Variants in GET4 observed in about 807,000 individuals in gnomAD.
GET4 encodes Golgi to ER traffic protein 4 homolog.
Under a neutral mutation model 40.0 loss-of-function variants are expected in GET4, and 20 were observed. The ratio of observed to expected loss-of-function variants is 0.50; its 90% CI spans 0.35 to 0.73. The LOEUF is 0.73. Among genes scored for constraint, GET4 ranks in the 30% least tolerant of loss-of-function variants. The probability of loss-of-function intolerance (pLI) is 0.01; values close to 1 mark genes in which losing one functional copy is unlikely to be tolerated. For missense variants in GET4, 557 were observed against 454.0 expected (o/e 1.23, Z -2.06); for synonymous variants, 280 against 194.6 (o/e 1.44, Z -3.65).
chr7:886,897 C>T (rs1230562377), intron 3 of GET4: 2 of 563,076 alleles, frequency 3.6e-6, no homozygotes, highest in Non-Finnish European at 3.2e-6. Context: ...GGGGCCCTGT[C>T]CTCTCCACTG....
At chr7:892,915 GGTGT>G (rs1046459904) in intron 6 of GET4, among the ~76,000 whole-genome samples, 5 of 151,746 alleles carry the variant, frequency 3.3e-5, no homozygotes, top group Non-Finnish European at 7.4e-5. Context: ...GGGGTGTGCA[GGTGT>G]GTGTACTGGG....
chr7:888,577 G>A (rs889912816), intron 4 of GET4, among the ~76,000 whole-genome samples: 2 of 152,248 alleles, frequency 1.3e-5, no homozygotes, highest in South Asian at 2.1e-4. Flanking sequence ...GCTGTGTGCC[G>A]AGTGGCGGGG....
intron 5 of GET4, 38 bp downstream of exon 5, chr7:891,104 G>T: frequency 2.6e-6 from 4 of 1,533,778 alleles, no homozygotes; most frequent in Non-Finnish European, 3.5e-6. Flanking sequence ...GGCTTCCATT[G>T]CTGCCTTGGC....
Position 887,499 on chromosome 7 carries a change from T to C in GET4, c.446T>C (p.Leu149Pro). The change falls in exon 4 of 9, where the codon CTG becomes CCG. Residue 149 changes from leucine to proline, a missense_variant. Physicochemically the swap from Leu to Pro is moderately conservative, Grantham distance 98. Coordinates refer to ENST00000265857, the MANE Select transcript of GET4 (RefSeq NM_015949.3). ...KLGHPRLHQL[L>P]ALTLWKEQNY... ...GGCCACCCCCGGCTGCACCAGCTGCTGGCCCTCACCCTGTGGAAAGGTAGG... is the reference window on the plus strand; with the variant it reads ...GGCCACCCCCGGCTGCACCAGCTGCCGGCCCTCACCCTGTGGAAAGGTAGG... The C allele has an allele frequency of 6.4e-7, 1 of 1,563,582 alleles. No individual in the cohort carries two copies. Among genetic ancestry groups the C allele is most frequent in the Non-Finnish European group, 8.7e-7 (1 of 1,155,340 alleles).
At chr7:891,323 C>G (rs1292021633) in intron 5 of GET4, among the ~76,000 whole-genome samples, 2 of 152,266 alleles carry the variant, frequency 1.3e-5, no homozygotes, top group Non-Finnish European at 2.9e-5. Context: ...CTCTCGCCCA[C>G]TGCCGGGAGG....
chr7:895,488 C>G lies in GET4; in HGVS notation c.*66C>G. ...TGGAGGGACGTTTCAGAGGCGAGTC[C>G]TGGGTGGCTCCTCGCCTTGGGGGCT... is the stretch of plus-strand genomic sequence containing the variant. On this transcript the variant is annotated 3_prime_UTR_variant, in exon 9 of 9. Transcript: ENST00000265857. 1 of 817,918 alleles carries G rather than the reference C, an allele frequency of 1.2e-6. No homozygotes were observed. Among genetic ancestry groups the G allele is most frequent in the South Asian group, 1.6e-5 (1 of 64,190 alleles). The allele number at this position is 817,918 out of a possible 1,614,324, so 50.7% of individuals were successfully genotyped here.
At chr7:894,226 A>G (rs1844415005) in intron 8 of GET4, among the ~76,000 whole-genome samples, 1 of 151,946 alleles carries the variant, frequency 6.6e-6, no homozygotes, top group Admixed American at 6.5e-5. Context: ...GGCAGGGATC[A>G]CATCACGTGG....
At chr7:883,556 A>G in intron 1 of GET4, 1 of 985,296 alleles carries the variant, frequency 1.0e-6, no homozygotes, top group Non-Finnish European at 1.2e-6. Context: ...TTTGGCCGGC[A>G]GAGAGCACCA....
In GET4 at chr7:895,520, CCT is replaced by C; in HGVS notation, c.*99_*100del. 1 of 604,536 alleles carries C rather than the reference CCT, an allele frequency of 1.7e-6. No homozygotes were observed. Among genetic ancestry groups the C allele is most frequent in the South Asian group, 2.1e-5 (1 of 47,090 alleles). The allele number at this position is 604,536 out of a possible 1,614,324, so 37.4% of individuals were successfully genotyped here. ...GCTCCTCGCCTTGGGGGCTCCTGGC[CCT>C]GAGGCTGGCGGTGGCCGCATGCCGG... On this transcript the variant is annotated 3_prime_UTR_variant, in exon 9 of 9. Coordinates refer to ENST00000265857, the MANE Select transcript of GET4 (RefSeq NM_015949.3).
chr7:886,104 G>A lies in GET4; in HGVS notation c.204G>A (p.Ser68=), dbSNP rs143175107. ...CGGAGGCCCGGGAGCTCATGTACTC[G>A]GGAGCCCTGCTCTTCTTCAGCCATG... ...KHTEARELMY[S]GALLFFSHGQ... Residue 68 remains serine (S), a synonymous_variant, in exon 2 of 9, where the codon TCG becomes TCA. Coordinates refer to ENST00000265857, the MANE Select transcript of GET4 (RefSeq NM_015949.3). 3.7e-5 allele frequency: 60 copies of A among 1,609,750 alleles called. No homozygotes were observed. Among genetic ancestry groups the A allele is most frequent in the Non-Finnish European group, 4.3e-5 (51 of 1,177,042 alleles).
rs1843956596 is a variant in GET4, at chr7:876,810, C to CCCGGCCCTCGCCGCAGCCCAGCG, written c.155+13_155+35dup. 8.4e-7 allele frequency: 1 copy of CCCGGCCCTCGCCGCAGCCCAGCG among 1,184,820 alleles called. No individual in the cohort carries two copies. The highest frequency in any genetic ancestry group is 4.2e-5 in the East Asian group (1 of 23,730). 73.4% of individuals were successfully genotyped at this position (1,184,820 alleles called of 1,614,324 possible). ...GGACCCTGTTCTTCAGGTACCCGCG[C>CCCGGCCCTCGCCGCAGCCCAGCG]CCGGCCCTCGCCGCAGCCCAGCGCC... On this transcript the variant is annotated intron_variant, in intron 1 of 8. Transcript: ENST00000265857.
At position 892,354 on chromosome 7, in the gene GET4, G is replaced by T; in HGVS notation, c.682G>T (p.Asp228Tyr). Residue 228 changes from aspartate to tyrosine, a missense_variant, in exon 6 of 9, where the codon GAC becomes TAC. Coordinates refer to ENST00000265857, the MANE Select transcript of GET4 (RefSeq NM_015949.3). ...CACCCAGAAGCACCCGTCCATCGAG[G>T]ACGGGCCTCCGTTTGTGGAGCCGCT... ...TYTQKHPSIE[D>Y]GPPFVEPLLN... is the part of the protein sequence containing the mutation. The T allele has an allele frequency of 2.5e-6, 4 of 1,595,542 alleles. No homozygotes were observed. The East Asian group carries it at 6.8e-5, about 27-fold the overall frequency.
chr7:886,524 G>C lies in GET4; in HGVS notation c.235-45G>C, dbSNP rs1208810702. ...GCCTTGTCTTTGCTGTCCTGAACAG[G>C]TCAGGGCTTTGTTCTTGATTCTTGT... On this transcript the variant is annotated intron_variant, in intron 2 of 8. Coordinates refer to ENST00000265857, the MANE Select transcript of GET4 (RefSeq NM_015949.3). 3 of 1,426,154 alleles carry C rather than the reference G, an allele frequency of 2.1e-6. No individual in the cohort carries two copies. In the Admixed American group the frequency reaches 5.0e-5, roughly 24 times the overall value. 88.3% of individuals were successfully genotyped at this position (1,426,154 alleles called of 1,614,324 possible). A position where few individuals can be genotyped will look rare whatever the true frequency, so the allele number is the denominator to read the frequency against.
At chr7:890,708 T>C (rs917333472) in intron 4 of GET4, among the ~76,000 whole-genome samples, 1 of 152,072 alleles carries the variant, frequency 6.6e-6, no homozygotes, top group Non-Finnish European at 1.5e-5. Flanking sequence ...AGATGTTGCA[T>C]AGCTGAGTGA....
intron 5 of GET4, 122 bp downstream of exon 5, chr7:891,188 C>A: frequency 4.3e-6 from 3 of 695,828 alleles, no homozygotes; most frequent in Admixed American, 3.2e-5. Flanking sequence ...TCACTCTGGG[C>A]AGAGCCCACA....
chr7:884,024 C>T lies in GET4; in HGVS notation c.156-2032C>T, dbSNP rs1014702656. On this transcript the variant is annotated intron_variant, in intron 1 of 8. Transcript: ENST00000265857. ...AAACCAGGCCGGGGGCCGTGACCAT[C>T]GGCAGTGCCCCCCAGAGCAGGCTCC... 50 of 1,150,880 alleles carry T rather than the reference C, an allele frequency of 4.3e-5. No homozygotes were observed. The African/African-American group carries it at 4.6e-4, about 10-fold the overall frequency. 71.3% of individuals were successfully genotyped at this position (1,150,880 alleles called of 1,614,324 possible). A position where few individuals can be genotyped will look rare whatever the true frequency, so the allele number is the denominator to read the frequency against.
chr7:894,115 T>C, intron 8 of GET4, 144 bp downstream of exon 8: 2 of 581,388 alleles, frequency 3.4e-6, no homozygotes, highest in Non-Finnish European at 5.9e-6. Flanking sequence ...CTTTTGTTAG[T>C]AGGAAATTAT....
intron 1 of GET4, chr7:878,072 T>A: frequency 3.1e-6 from 1 of 327,606 alleles, no homozygotes; most frequent in South Asian, 2.3e-5. Flanking sequence ...TGAAACCGCT[T>A]CTCTGTTGAC....
chr7:892,326 G>C lies in GET4; in HGVS notation c.654G>C (p.Thr218=), dbSNP rs759976300. Reference sequence around the variant, plus strand: ...GTAGCGCATCGGTGGTCTTCACGACGTACACCCAGAAGCACCCGTCCATCG... The same window carrying C: ...GTAGCGCATCGGTGGTCTTCACGACCTACACCCAGAAGCACCCGTCCATCG... The part of the protein sequence containing the change: ...NKSSASVVFT[T]YTQKHPSIED... The change falls in exon 6 of 9, where the codon ACG becomes ACC. Residue 218 remains threonine, a synonymous_variant. Coordinates refer to ENST00000265857, the MANE Select transcript of GET4 (RefSeq NM_015949.3). 10 of 1,595,404 alleles carry C rather than the reference G, an allele frequency of 6.3e-6. No individual in the cohort carries two copies. The highest frequency in any genetic ancestry group is 1.1e-5 in the South Asian group (1 of 90,704).
Sources: allele counts gnomAD v4.1 joint callset (sites outside exome capture counted in the v4.1 genomes callset), GRCh38; gene constraint gnomAD v4.1.1; transcripts MANE v1.5; gene names NCBI Gene and HGNC (gene_info 2026-07-23, HGNC 2026-07-21).